Variants in SLC30A10 observed in about 807,000 individuals in gnomAD.
The protein encoded by SLC30A10 is calcium/manganese antiporter SLC30A10.
In SLC30A10, 8 loss-of-function variants were observed where a neutral mutation model predicts 21.7. That is an observed-to-expected ratio of 0.37 (90% confidence interval 0.22 to 0.67). The LOEUF (loss-of-function observed/expected upper bound fraction) is 0.67. SLC30A10 is among the 30% of genes least tolerant of loss of function. The pLI is 0.58. For synonymous variants in SLC30A10, 272 were observed against 279.4 expected, an observed-to-expected ratio of 0.97 and a Z score of 0.26; for missense variants, 521 against 642.5, an observed-to-expected ratio of 0.81 and a Z score of 2.04.
At chr1:219,947,504 G>A (rs1660202039) in intron 1 of SLC30A10, among the ~76,000 whole-genome samples, 1 of 152,086 alleles carries the variant, frequency 6.6e-6, no homozygotes, top group African/African-American at 2.4e-5. Flanking sequence ...CTGCACTCTG[G>A]CCTGGGTGAC....
Position 219,911,657 on chromosome 1 carries a change from C to A in SLC30A10, c.*3792G>T, listed in dbSNP as rs778018340. 2.0e-5 allele frequency among the ~76,000 whole-genome samples: 3 copies of A among 152,044 alleles called. No individual in the cohort carries two copies. Among genetic ancestry groups the A allele is most frequent in the Non-Finnish European group, 2.9e-5 (2 of 68,002 alleles). ...AATATCCAAAGTTCTTATGTGGAAA[C>A]AACTGCAATTTTTATGAATAGGCTG... On this transcript the variant is annotated 3_prime_UTR_variant, in exon 4 of 4. Coordinates refer to ENST00000366926, the MANE Select transcript of SLC30A10 (RefSeq NM_018713.3).
rs776230339 is a variant in SLC30A10 at position 219,915,755 on chromosome 1, A to G, written c.1152T>C (p.Asn384=). ...GCTCCAGGGGTTCCTTCAAGTCCAC[A>G]TTTTCAAACTGGATGGTCACATTGT... The part of the protein sequence containing the change: ...GIHNVTIQFE[N]VDLKEPLEQK... Residue 384 remains asparagine, a synonymous_variant, in exon 4 of 4, where the codon AAT becomes AAC. Transcript: ENST00000366926. 2.5e-6 allele frequency: 4 copies of G among 1,614,150 alleles called. No individual in the cohort carries two copies. In the South Asian group the frequency reaches 3.3e-5, roughly 13 times the overall value.
chr1:219,937,846 A>G (rs1211025080), intron 1 of SLC30A10, among the ~76,000 whole-genome samples: 1 of 151,944 alleles, frequency 6.6e-6, no homozygotes, highest in Non-Finnish European at 1.5e-5. Flanking sequence ...CAATTTCTCC[A>G]CCCTGTCTTC....
intron 2 of SLC30A10, among the ~76,000 whole-genome samples, chr1:219,923,637 C>T (rs1194662961): frequency 6.6e-6 from 1 of 152,164 alleles, no homozygotes; most frequent in African/African-American, 2.4e-5. Flanking sequence ...CATATTGTTA[C>T]AACATTTTTA....
chr1:219,923,462 C>T (rs1319190477), intron 2 of SLC30A10, among the ~76,000 whole-genome samples: 1 of 152,138 alleles, frequency 6.6e-6, no homozygotes, highest in Non-Finnish European at 1.5e-5. Flanking sequence ...TGTTGAATGA[C>T]TGGAAATAGT....
chr1:219,951,788 T>C (rs1051672427), intron 1 of SLC30A10, among the ~76,000 whole-genome samples: 7 of 151,938 alleles, frequency 4.6e-5, no homozygotes, highest in African/African-American at 1.7e-4. Context: ...GGTTGGAGTG[T>C]AATGGCATGC....
chr1:219,948,586 C>T (rs1650963032), intron 1 of SLC30A10, among the ~76,000 whole-genome samples: 1 of 152,160 alleles, frequency 6.6e-6, no homozygotes. Context: ...TGGATCCCTT[C>T]CTTACACCTT....
In SLC30A10 at chr1:219,912,758, C is replaced by T. The variant is rs1659443579; in HGVS notation, c.*2691G>A. On this transcript the variant is annotated 3_prime_UTR_variant, in exon 4 of 4. Coordinates refer to ENST00000366926, the MANE Select transcript of SLC30A10 (RefSeq NM_018713.3). ...CTGAGGCAGGAGAATGGCGTGAACC[C>T]AGGAGGCAGAGCTTGCAGTGAGCCG... Among the ~76,000 whole-genome samples, 1 of 151,956 alleles carries T rather than the reference C, an allele frequency of 6.6e-6. No homozygotes were observed. Among genetic ancestry groups the T allele is most frequent in the Non-Finnish European group, 1.5e-5 (1 of 67,984 alleles).
chr1:219,934,836 C>A (rs1660025416), intron 1 of SLC30A10, among the ~76,000 whole-genome samples: 1 of 152,176 alleles, frequency 6.6e-6, no homozygotes, highest in African/African-American at 2.4e-5. Flanking sequence ...CACTATAGCA[C>A]TGCTCTCTGT....
chr1:219,924,176 T>C (rs1659762683), intron 2 of SLC30A10, among the ~76,000 whole-genome samples: 1 of 152,218 alleles, frequency 6.6e-6, no homozygotes, highest in South Asian at 2.1e-4. Context: ...CCGTAAGCTG[T>C]TACCTCTGCA....
At chr1:219,927,664 AAAAACAACAACAAC>A in intron 1 of SLC30A10, 123 bp downstream of exon 1, 2 of 509,744 alleles carry the variant, frequency 3.9e-6, no homozygotes, top group Non-Finnish European at 5.3e-6. Context: ...AAAAAAAAAA[AAAAACAACAACAAC>A]AAAAAAAAAA....
intron 1 of SLC30A10, among the ~76,000 whole-genome samples, chr1:219,953,002 G>A (rs1018901601): frequency 2.6e-5 from 4 of 152,182 alleles, no homozygotes; most frequent in Admixed American, 2.0e-4. Context: ...CAAAAGAGCT[G>A]TGAGGGAATT....
intron 1 of SLC30A10, among the ~76,000 whole-genome samples, chr1:219,953,899 G>T (rs1211567312): frequency 7.3e-5 from 11 of 151,610 alleles, no homozygotes; most frequent in African/African-American, 2.7e-4. Flanking sequence ...GTAGAGATGG[G>T]GTTTCACCGT....
At chr1:219,957,129 G>A (rs935534906) in intron 1 of SLC30A10, among the ~76,000 whole-genome samples, 7 of 152,120 alleles carry the variant, frequency 4.6e-5, no homozygotes, top group South Asian at 2.1e-4. Context: ...CCATAGCATA[G>A]GGTCTCAAGT....
At position 219,915,389 on chromosome 1, in the gene SLC30A10, G is replaced by C; in HGVS notation, c.*60C>G. 1.3e-6 allele frequency: 2 copies of C among 1,556,460 alleles called. No individual in the cohort carries two copies. The highest frequency in any genetic ancestry group is 1.9e-5 in the Admixed American group (1 of 53,662). The stretch of plus-strand genomic sequence containing the variant: ...CTACAACCCAGAAAGCTCTTTTTGT[G>C]AGCCAAGCTTGTGGTTCCAAAGTGC... On this transcript the variant is annotated 3_prime_UTR_variant, in exon 4 of 4. Coordinates refer to ENST00000366926, the MANE Select transcript of SLC30A10 (RefSeq NM_018713.3).
At position 219,915,784 on chromosome 1, in the gene SLC30A10, T is replaced by C. The variant is rs758066830; in HGVS notation, c.1123A>G (p.Ile375Val). The change falls in exon 4 of 4, where the codon ATC becomes GTC. Residue 375 changes from isoleucine (I) to valine (V), a missense_variant. Ile to Val is a conservative substitution (Grantham distance 29, BLOSUM62 3). Transcript: ENST00000366926. ...TCAAACTGGATGGTCACATTGTGGA[T>C]TCCCGCATGGTGGAAGATTTCTCGA... ...KIREIFHHAG[I>V]HNVTIQFENV... 6 of 1,614,200 alleles carry C rather than the reference T, an allele frequency of 3.7e-6. No individual in the cohort carries two copies. Among genetic ancestry groups the C allele is most frequent in the Non-Finnish European group, 5.1e-6 (6 of 1,180,030 alleles).
chr1:219,917,763 T>A (rs933386898), intron 3 of SLC30A10, among the ~76,000 whole-genome samples: 3 of 143,660 alleles, frequency 2.1e-5, no homozygotes, highest in African/African-American at 7.9e-5. Flanking sequence ...CAGCCTGGAG[T>A]GCAGTGGTGC....
chr1:219,934,831 T>C (rs911313459), intron 1 of SLC30A10, among the ~76,000 whole-genome samples: 6 of 152,162 alleles, frequency 3.9e-5, no homozygotes, highest in African/African-American at 1.4e-4. Flanking sequence ...ATTGACACTA[T>C]AGCACTGCTC....
intron 1 of SLC30A10, among the ~76,000 whole-genome samples, chr1:219,954,898 A>G (rs1660325822): frequency 6.6e-6 from 1 of 152,144 alleles, no homozygotes; most frequent in Non-Finnish European, 1.5e-5. Context: ...CCTTTAGGTT[A>G]AAATAAAGGC....
Sources: allele counts gnomAD v4.1 joint callset (sites outside exome capture counted in the v4.1 genomes callset), GRCh38; gene constraint gnomAD v4.1.1; transcripts MANE v1.5; gene names NCBI Gene and HGNC (gene_info 2026-07-23, HGNC 2026-07-21).